TCERG1L: variants seen among roughly 807,000 people sequenced by gnomAD.
TCERG1L encodes the protein transcription elongation regulator 1-like protein.
Under a neutral mutation model 56.3 loss-of-function variants are expected in TCERG1L, and 37 were observed. The observed-to-expected ratio is 0.66, with a 90% confidence interval of 0.51 to 0.87. The LOEUF (loss-of-function observed/expected upper bound fraction) is 0.87. Among genes scored for constraint, TCERG1L ranks in the 40% least tolerant of loss-of-function variants. TCERG1L has a pLI of 0.00. For synonymous variants in TCERG1L, 324 were observed against 326.3 expected (o/e 0.99, Z 0.08); for missense variants, 799 against 774.2 (o/e 1.03, Z -0.38).
chr10:131,222,252 C>A (rs1281177453), intron 4 of TCERG1L, among the ~76,000 whole-genome samples: 1 of 152,240 alleles, frequency 6.6e-6, no homozygotes, highest in Non-Finnish European at 1.5e-5. Flanking sequence ...ACTCAGGCAT[C>A]CTGAGTGCCC....
chr10:131,170,154 C>A (rs2133439716), intron 4 of TCERG1L, among the ~76,000 whole-genome samples: 1 of 152,190 alleles, frequency 6.6e-6, no homozygotes, highest in South Asian at 2.1e-4. Context: ...TTGCAGGTAC[C>A]TTGGAGGTGT....
At chr10:131,127,479 G>A (rs538879058) in intron 8 of TCERG1L, among the ~76,000 whole-genome samples, 1 of 152,360 alleles carries the variant, frequency 6.6e-6, no homozygotes, top group Non-Finnish European at 1.5e-5. Context: ...CCAAACCTCG[G>A]AGAAGCCCAG....
At chr10:131,097,582 C>T (rs1383078389) in intron 11 of TCERG1L, among the ~76,000 whole-genome samples, 1 of 152,162 alleles carries the variant, frequency 6.6e-6, no homozygotes, top group Non-Finnish European at 1.5e-5. Flanking sequence ...CTCCTGACCT[C>T]GTGATCCACC....
intron 4 of TCERG1L, among the ~76,000 whole-genome samples, chr10:131,231,921 G>C (rs900186925): frequency 6.6e-6 from 1 of 152,150 alleles, no homozygotes. Context: ...GCTGAGCGGG[G>C]GCTGATGCAG....
chr10:131,273,375 C>T lies in TCERG1L; in HGVS notation c.671-12931G>A, dbSNP rs79948549. On this transcript the variant is annotated intron_variant, in intron 3 of 11. Transcript: ENST00000368642. Reference sequence around the variant, plus strand: ...GTCTGGAGTCACCAGGAACCCGGTTCCCAAAGCACTCGCCTGCCTCCTGGA... The same window carrying T: ...GTCTGGAGTCACCAGGAACCCGGTTTCCAAAGCACTCGCCTGCCTCCTGGA... Among the ~76,000 whole-genome samples the T allele has an allele frequency of 4.4e-3, 670 of 152,286 alleles. 15 individuals carry two copies. The East Asian group carries it at 0.07, about 16-fold the overall frequency.
intron 4 of TCERG1L, among the ~76,000 whole-genome samples, chr10:131,258,172 G>T (rs1466230841): frequency 1.3e-5 from 2 of 152,116 alleles, no homozygotes; most frequent in East Asian, 3.9e-4. Flanking sequence ...AATTTCCTAG[G>T]GGGCTGCCTG....
At chr10:131,257,065 A>C (rs1000120307) in intron 4 of TCERG1L, among the ~76,000 whole-genome samples, 8 of 151,768 alleles carry the variant, frequency 5.3e-5, no homozygotes, top group African/African-American at 1.9e-4. Flanking sequence ...AAAGAAAGAA[A>C]GAAAAAAAAA....
At chr10:131,306,229 T>C (rs1444106339) in intron 3 of TCERG1L, among the ~76,000 whole-genome samples, 2 of 152,206 alleles carry the variant, frequency 1.3e-5, no homozygotes, top group South Asian at 2.1e-4. Context: ...AATATGTGCA[T>C]GCCAAAGTTG....
At chr10:131,160,288 G>C (rs973196060) in intron 6 of TCERG1L, among the ~76,000 whole-genome samples, 1 of 152,154 alleles carries the variant, frequency 6.6e-6, no homozygotes, top group Non-Finnish European at 1.5e-5. Flanking sequence ...CTCTGCCTTA[G>C]TGGCACCAGT....
chr10:131,265,433 T>G (rs377124326), intron 3 of TCERG1L, among the ~76,000 whole-genome samples: 2 of 152,196 alleles, frequency 1.3e-5, no homozygotes, highest in African/African-American at 4.8e-5. Context: ...ATTTACATCA[T>G]TGGTAGATGA....
intron 9 of TCERG1L, among the ~76,000 whole-genome samples, chr10:131,109,961 C>T (rs530552147): frequency 6.6e-6 from 1 of 152,358 alleles, no homozygotes; most frequent in East Asian, 1.9e-4. Flanking sequence ...ATGGACATCG[C>T]CCAAGCATCA....
chr10:131,247,776 GCTCT>G (rs904803286), intron 4 of TCERG1L, among the ~76,000 whole-genome samples: 2 of 151,948 alleles, frequency 1.3e-5, no homozygotes, highest in Admixed American at 6.6e-5. Flanking sequence ...CTCAAACAAG[GCTCT>G]CTCTCCATCC....
chr10:131,304,708 C>T (rs1846802694), intron 3 of TCERG1L, among the ~76,000 whole-genome samples: 1 of 152,090 alleles, frequency 6.6e-6, no homozygotes, highest in Non-Finnish European at 1.5e-5. Context: ...ATTTCCAGTG[C>T]AGGTGTAATT....
intron 4 of TCERG1L, among the ~76,000 whole-genome samples, chr10:131,246,185 C>T (rs1049205038): frequency 7.2e-5 from 11 of 152,302 alleles, no homozygotes; most frequent in African/African-American, 2.6e-4. Flanking sequence ...AGGGAGATGG[C>T]ACCTCGTGCA....
At chr10:131,250,002 C>A (rs746404830) in intron 4 of TCERG1L, among the ~76,000 whole-genome samples, 1 of 152,236 alleles carries the variant, frequency 6.6e-6, no homozygotes, top group Non-Finnish European at 1.5e-5. Flanking sequence ...AGAGCAAACA[C>A]TGTTCGGGGC....
Position 131,311,546 on chromosome 10 carries a change from G to A in TCERG1L, c.90C>T (p.Asp30=). ...RRRQPLLWPM[D]AEPPPPPPWV... is the part of the protein sequence containing the mutation. ...AGGGCGGCGGCGGCGGCGGCTCTGC[G>A]TCCATCGGCCAGAGGAGAGGCTGCC... Residue 30 remains aspartate (D), a synonymous_variant, in exon 1 of 12, where the codon GAC becomes GAT. Transcript: ENST00000368642. This position sits in a 1 kb window ranked among gnomAD's most constrained non-coding sequence, Gnocchi z 4.0. The A allele has an allele frequency of 2.5e-6, 3 of 1,189,434 alleles. No homozygotes were observed. Among genetic ancestry groups the A allele is most frequent in the East Asian group, 3.9e-5 (1 of 25,634 alleles). 73.7% of individuals were successfully genotyped at this position (1,189,434 alleles called of 1,614,324 possible). A position where few individuals can be genotyped will look rare whatever the true frequency, so the allele number is the denominator to read the frequency against.
intron 4 of TCERG1L, among the ~76,000 whole-genome samples, chr10:131,223,373 C>T (rs980784781): frequency 6.6e-6 from 1 of 152,194 alleles, no homozygotes; most frequent in Admixed American, 6.5e-5. Context: ...GGTTTCCATC[C>T]CAAGGGGCTC....
chr10:131,102,803 A>G lies in TCERG1L; in HGVS notation c.1485+1462T>C, dbSNP rs557608738. Among the ~76,000 whole-genome samples, 4 of 152,214 alleles carry G rather than the reference A, an allele frequency of 2.6e-5. No homozygotes were observed. In the East Asian group the frequency reaches 7.8e-4, roughly 30 times the overall value. ...TCAGGGCCCTTCTCAGACGTGATCC[A>G]CGGGCCACACAAACCCAGGCTGTGC... On this transcript the variant is annotated intron_variant, in intron 10 of 11. Coordinates refer to ENST00000368642, the MANE Select transcript of TCERG1L (RefSeq NM_174937.4).
In TCERG1L at chr10:131,311,413, G is replaced by A. The variant is rs1800227124; in HGVS notation, c.223C>T (p.Pro75Ser). The A allele has an allele frequency of 6.4e-5, 76 of 1,181,012 alleles. No homozygotes were observed. The South Asian group carries it at 2.3e-3, about 36-fold the overall frequency. 73.2% of individuals were successfully genotyped at this position (1,181,012 alleles called of 1,614,324 possible). A position where few individuals can be genotyped will look rare whatever the true frequency, so the allele number is the denominator to read the frequency against. Residue 75 changes from proline (P) to serine (S), a missense_variant, in exon 1 of 12, where the codon CCC (proline) becomes TCC (serine). Transcript: ENST00000368642. The surrounding 1 kb of genome is among the most constrained non-coding windows in gnomAD (Gnocchi z 4.0). ...SAPPPAAPLL[P>S]GLPGWPAPSE... ...GGGGCCGGCCAGCCGGGGAGACCGG[G>A]GAGCAGCGGGGCCGCGGGCGGCGGG...
Sources: gnomAD v4.1 joint callset for allele counts (sites outside exome capture counted in the v4.1 genomes callset) on GRCh38, gnomAD v4.1.1 for gene constraint, Gnocchi (gnomAD v3.1) non-coding constraint, MANE v1.5 for transcripts, NCBI Gene and HGNC (gene_info 2026-07-23, HGNC 2026-07-21) for gene names.